Variants in CDKAL1 observed in about 807,000 individuals in gnomAD.
The protein encoded by CDKAL1 is threonylcarbamoyladenosine tRNA methylthiotransferase.
A neutral mutation model predicts 68.2 loss-of-function variants in CDKAL1; 32 were observed. The ratio of observed to expected loss-of-function variants is 0.47; its 90% CI spans 0.35 to 0.63. The LOEUF (loss-of-function observed/expected upper bound fraction) is 0.63, where lower values mean the gene tolerates loss of function less well. CDKAL1 is among the 30% of genes least tolerant of loss of function. The probability of loss-of-function intolerance (pLI) is 0.00; values close to 1 mark genes in which losing one functional copy is unlikely to be tolerated. For missense variants in CDKAL1, 606 were observed against 696.7 expected, an observed-to-expected ratio of 0.87 and a Z score of 1.47; for synonymous variants, 234 against 244.3, an observed-to-expected ratio of 0.96 and a Z score of 0.39.
chr6:20,829,839 A>G (rs1777641738), intron 8 of CDKAL1, among the ~76,000 whole-genome samples: 1 of 152,230 alleles, frequency 6.6e-6, no homozygotes, highest in Non-Finnish European at 1.5e-5. Context: ...TCATTTATGC[A>G]AATGATTTTT....
At chr6:20,715,935 G>A (rs1178787031) in intron 5 of CDKAL1, among the ~76,000 whole-genome samples, 1 of 152,132 alleles carries the variant, frequency 6.6e-6, no homozygotes, top group Non-Finnish European at 1.5e-5. Flanking sequence ...TTCTGATATG[G>A]ATTTATTTTA....
At chr6:21,164,360 C>T (rs1777052178) in intron 13 of CDKAL1, among the ~76,000 whole-genome samples, 1 of 151,848 alleles carries the variant, frequency 6.6e-6, no homozygotes, top group South Asian at 2.1e-4. Context: ...CTAGATTTAG[C>T]CAGAACCCAG....
chr6:20,551,846 T>G (rs949092004), intron 4 of CDKAL1, among the ~76,000 whole-genome samples: 10 of 152,194 alleles, frequency 6.6e-5, no homozygotes, highest in African/African-American at 2.2e-4. Flanking sequence ...CCTTACCATA[T>G]TCTGATGGTG....
intron 7 of CDKAL1, among the ~76,000 whole-genome samples, chr6:20,776,544 C>A (rs142858659): frequency 1.3e-5 from 2 of 152,084 alleles, no homozygotes; most frequent in Non-Finnish European, 2.9e-5. Context: ...AAATGACAGG[C>A]GATGAAACAT....
chr6:21,169,757 T>G (rs1158387117), intron 13 of CDKAL1, among the ~76,000 whole-genome samples: 3 of 152,100 alleles, frequency 2.0e-5, no homozygotes, highest in African/African-American at 7.2e-5. Flanking sequence ...GACTTACAAT[T>G]CCACATGGCT....
intron 5 of CDKAL1, among the ~76,000 whole-genome samples, chr6:20,723,221 C>T (rs899668378): frequency 1.1e-4 from 17 of 152,174 alleles, no homozygotes; most frequent in African/African-American, 3.9e-4. Flanking sequence ...GCTTCAGGGT[C>T]GTGGGCACCC....
At chr6:20,808,097 T>A (rs1449520287) in intron 8 of CDKAL1, among the ~76,000 whole-genome samples, 2 of 152,202 alleles carry the variant, frequency 1.3e-5, no homozygotes, top group Non-Finnish European at 1.5e-5. Flanking sequence ...AAAGACATTT[T>A]AAAAAATGAA....
chr6:21,018,006 A>G (rs1768434967), intron 11 of CDKAL1, among the ~76,000 whole-genome samples: 1 of 152,228 alleles, frequency 6.6e-6, no homozygotes, highest in South Asian at 2.1e-4. Flanking sequence ...AAAAACTAAT[A>G]TAGAATTGCA....
At chr6:20,578,890 A>G (rs1040598782) in intron 4 of CDKAL1, among the ~76,000 whole-genome samples, 2 of 152,236 alleles carry the variant, frequency 1.3e-5, no homozygotes, top group African/African-American at 4.8e-5. Context: ...ATCATGAAAC[A>G]GGAGGAAAAG....
At chr6:21,203,436 A>G (rs1057466250) in intron 15 of CDKAL1, among the ~76,000 whole-genome samples, 5 of 150,880 alleles carry the variant, frequency 3.3e-5, no homozygotes, top group Non-Finnish European at 5.9e-5. Flanking sequence ...GGGTTTCACC[A>G]TGTCGGCCAG....
At chr6:20,728,190 AG>A (rs1772740551) in intron 5 of CDKAL1, among the ~76,000 whole-genome samples, 1 of 152,186 alleles carries the variant, frequency 6.6e-6, no homozygotes, top group African/African-American at 2.4e-5. Flanking sequence ...TGTATATTTC[AG>A]TGGAGGGTGG....
At chr6:20,840,526 G>C (rs1778133774) in intron 8 of CDKAL1, among the ~76,000 whole-genome samples, 1 of 152,210 alleles carries the variant, frequency 6.6e-6, no homozygotes, top group South Asian at 2.1e-4. Context: ...CACAATTGAA[G>C]ATAGAGACAG....
At chr6:20,787,448 T>A (rs1409210242) in intron 8 of CDKAL1, among the ~76,000 whole-genome samples, 1 of 152,164 alleles carries the variant, frequency 6.6e-6, no homozygotes, top group South Asian at 2.1e-4. Flanking sequence ...AACTCAGCTG[T>A]CAGATTATAA....
chr6:21,055,376 C>CT (rs949383358), intron 11 of CDKAL1, among the ~76,000 whole-genome samples: 33 of 151,520 alleles, frequency 2.2e-4, no homozygotes, highest in African/African-American at 7.5e-4. Context: ...TTTGTTTTTT[C>CT]TTTTTTTACT....
At chr6:21,044,904 C>T (rs1360740686) in intron 11 of CDKAL1, among the ~76,000 whole-genome samples, 2 of 152,162 alleles carry the variant, frequency 1.3e-5, no homozygotes, top group African/African-American at 4.8e-5. Flanking sequence ...ATGATCAAGG[C>T]ACCAGCAGGT....
chr6:21,168,637 G>A (rs1008075709), intron 13 of CDKAL1, among the ~76,000 whole-genome samples: 1 of 152,160 alleles, frequency 6.6e-6, no homozygotes, highest in African/African-American at 2.4e-5. Flanking sequence ...CTGTTTCTAA[G>A]GGCTAAAGGA....
chr6:21,176,399 C>A (rs2151080920), intron 13 of CDKAL1, among the ~76,000 whole-genome samples: 1 of 152,342 alleles, frequency 6.6e-6, no homozygotes, highest in African/African-American at 2.4e-5. Flanking sequence ...AAGAAGTGAA[C>A]AGACTGGCAT....
In CDKAL1 at chr6:20,756,525, T is replaced by A. The variant is rs556926959; in HGVS notation, c.469-2070T>A. 7 of 152,334 alleles carry A rather than the reference T, an allele frequency of 4.6e-5. No homozygotes were observed. The East Asian group carries it at 1.2e-3, about 25-fold the overall frequency. 9.4% of individuals were successfully genotyped at this position (152,334 alleles called of 1,614,324 possible). On this transcript the variant is annotated intron_variant, in intron 6 of 15. Transcript: ENST00000274695. Reference sequence around the variant, plus strand: ...CTGGCTTCTTCAATCACATTCTGTATGGAAGCCACATGGGCTCTTATAATA... The same window carrying A: ...CTGGCTTCTTCAATCACATTCTGTAAGGAAGCCACATGGGCTCTTATAATA...
At chr6:20,818,274 CTGTTCCACAGTAGTAA>C (rs1347952841) in intron 8 of CDKAL1, among the ~76,000 whole-genome samples, 4 of 152,146 alleles carry the variant, frequency 2.6e-5, no homozygotes, top group African/African-American at 9.7e-5. Flanking sequence ...ATTCTATAAA[CTGTTCCACAGTAGTAA>C]TGTCACGTGG....
Sources: allele counts gnomAD v4.1 joint callset (sites outside exome capture counted in the v4.1 genomes callset), GRCh38; gene constraint gnomAD v4.1.1; transcripts MANE v1.5; gene names NCBI Gene and HGNC (gene_info 2026-07-23, HGNC 2026-07-21).